ST7L: variants seen among roughly 807,000 people sequenced by gnomAD.
ST7L encodes the protein suppressor of tumorigenicity 7 protein-like.
Under a neutral mutation model 72.5 loss-of-function variants are expected in ST7L, and 57 were observed. That is an observed-to-expected ratio of 0.79 (90% confidence interval 0.64 to 0.98). The LOEUF (loss-of-function observed/expected upper bound fraction) is 0.98, where lower values mean the gene tolerates loss of function less well. Ranked by LOEUF, ST7L falls within the 50% of genes least tolerant of loss-of-function variation. The probability of loss-of-function intolerance (pLI) is 0.00; values close to 1 mark genes in which losing one functional copy is unlikely to be tolerated. For synonymous variants in ST7L, 221 were observed against 240.9 expected (o/e 0.92, Z 0.77); for missense variants, 576 against 672.2 (o/e 0.86, Z 1.58).
chr1:112,617,758 A>T (rs1570678403), intron 1 of ST7L, among the ~76,000 whole-genome samples: 1 of 142,762 alleles, frequency 7.0e-6, no homozygotes, highest in South Asian at 2.3e-4. Flanking sequence ...CACACACACG[A>T]AACGTAAAAA....
chr1:112,561,237 C>G (rs1184383404), intron 11 of ST7L, among the ~76,000 whole-genome samples: 2 of 150,174 alleles, frequency 1.3e-5, no homozygotes, highest in Admixed American at 6.6e-5. Context: ...CATAACAGAG[C>G]TAAGTAGTAG....
At chr1:112,586,248 C>T (rs114405370) in intron 6 of ST7L, among the ~76,000 whole-genome samples, 122 of 152,218 alleles carry the variant, frequency 8.0e-4, no homozygotes, top group African/African-American at 2.7e-3. Flanking sequence ...GGCAACACAA[C>T]GAGACCCTCT....
At position 112,550,671 on chromosome 1, in the gene ST7L, C is replaced by G. The variant is rs148639237; in HGVS notation, c.1419G>C (p.Pro473=). 100 of 1,612,900 alleles carry G rather than the reference C, an allele frequency of 6.2e-5. 1 individual carries two copies. In the African/African-American group the frequency reaches 1.1e-3, roughly 17 times the overall value. Residue 473 remains proline (P), a synonymous_variant, in exon 13 of 15, where the codon CCG becomes CCC. Transcript: ENST00000358039. ...GGTAAAATAGATGTCCTTTCTCTAA[C>G]GGGTATGGAATCATTCTAAAAGCTG... ...WEGTFRMIPY[P]LEKGHLFYPY...
chr1:112,519,465 C>T (rs1443370681), downstream of ST7L, among the ~76,000 whole-genome samples: 4 of 152,088 alleles, frequency 2.6e-5, no homozygotes, highest in Non-Finnish European at 5.9e-5. Context: ...AGTAGATGCT[C>T]TCATGGGCCC....
intron 13 of ST7L, among the ~76,000 whole-genome samples, chr1:112,544,213 C>G (rs1570930683): frequency 6.6e-6 from 1 of 152,280 alleles, no homozygotes; most frequent in South Asian, 2.1e-4. Flanking sequence ...GATGTAATAT[C>G]CTGCATTAGT....
chr1:112,588,370 A>G (rs1254418557), intron 6 of ST7L, among the ~76,000 whole-genome samples: 1 of 152,214 alleles, frequency 6.6e-6, no homozygotes, highest in Non-Finnish European at 1.5e-5. Context: ...CTTTTTTCTG[A>G]TGGTGGAGGG....
At chr1:112,540,649 C>T in intron 14 of ST7L, 1 of 1,182,644 alleles carries the variant, frequency 8.5e-7, no homozygotes, top group Non-Finnish European at 1.1e-6. Context: ...ACTGCTCTTA[C>T]CACTGGTGCC....
chr1:112,586,330 A>C (rs920966510), intron 6 of ST7L, among the ~76,000 whole-genome samples: 6 of 152,116 alleles, frequency 3.9e-5, no homozygotes, highest in Non-Finnish European at 8.8e-5. Context: ...AGTCCTAGTT[A>C]CTTTGGAGGC....
intron 9 of ST7L, among the ~76,000 whole-genome samples, chr1:112,579,503 GA>G (rs992463219): frequency 4.0e-5 from 6 of 150,186 alleles, no homozygotes; most frequent in African/African-American, 1.5e-4. Context: ...ACTAATATTA[GA>G]AAAAAATTAA....
At chr1:112,538,638 C>T (rs1259162065) in intron 14 of ST7L, among the ~76,000 whole-genome samples, 1 of 152,230 alleles carries the variant, frequency 6.6e-6, no homozygotes, top group Non-Finnish European at 1.5e-5. Flanking sequence ...AGAGCCATTG[C>T]ACCTGGCCTA....
intron 6 of ST7L, 134 bp from the exon 7 acceptor site, chr1:112,584,260 T>G: frequency 1.1e-6 from 1 of 923,778 alleles, no homozygotes. Flanking sequence ...AAACCTTCGT[T>G]CAATATTTTA....
intron 14 of ST7L, among the ~76,000 whole-genome samples, chr1:112,538,782 T>G (rs962587100): frequency 2.0e-5 from 3 of 152,220 alleles, no homozygotes; most frequent in Non-Finnish European, 4.4e-5. Context: ...TATTGCACTT[T>G]GGTGATGATG....
At chr1:112,555,526 C>T (rs1557971517) in intron 12 of ST7L, among the ~76,000 whole-genome samples, 1 of 152,016 alleles carries the variant, frequency 6.6e-6, no homozygotes, top group Non-Finnish European at 1.5e-5. Flanking sequence ...GATTGCGCCA[C>T]TGCACTCCAG....
chr1:112,518,500 A>G, the ST7L span: 4 of 152,208 alleles, frequency 2.6e-5, no homozygotes, highest in Admixed American at 1.3e-4. Flanking sequence ...AGTAGTCTGT[A>G]TACTTTGTAG....
In ST7L at chr1:112,550,630, G is replaced by C. The variant is rs530136560; in HGVS notation, c.1460C>G (p.Thr487Arg). ...TAATAGCTCTCTATCAGCCGTCTCT[G>C]TGCAGCTGGGATAAGGGTAAAATAG... ...GHLFYPYPSC[T>R]ETADRELLPT... The change falls in exon 13 of 15, where the codon ACA (threonine) becomes AGA (arginine). Residue 487 changes from threonine (T) to arginine (R), a missense_variant. By Grantham distance (71) the Thr-to-Arg change is moderately conservative. Coordinates refer to ENST00000358039, the MANE Select transcript of ST7L (RefSeq NM_017744.5). 114 of 1,613,248 alleles carry C rather than the reference G, an allele frequency of 7.1e-5. 1 individual carries two copies. The South Asian group carries it at 1.2e-3, about 17-fold the overall frequency.
intron 11 of ST7L, among the ~76,000 whole-genome samples, chr1:112,558,845 C>T (rs532070142): frequency 2.0e-5 from 3 of 152,294 alleles, no homozygotes; most frequent in Admixed American, 2.0e-4. Context: ...TCACTCGCAC[C>T]AGGCGGCTGT....
At chr1:112,560,379 G>C (rs1659921007) in intron 11 of ST7L, among the ~76,000 whole-genome samples, 1 of 151,978 alleles carries the variant, frequency 6.6e-6, no homozygotes, top group Admixed American at 6.6e-5. Flanking sequence ...GGATGACAGA[G>C]CGAGACTCTG....
At chr1:112,562,089 C>T (rs957839309) in intron 11 of ST7L, among the ~76,000 whole-genome samples, 13 of 151,826 alleles carry the variant, frequency 8.6e-5, no homozygotes, top group Non-Finnish European at 1.3e-4. Flanking sequence ...GCCTCAACCT[C>T]CTTAGTAGCT....
chr1:112,585,620 C>G (rs998459614), intron 6 of ST7L, among the ~76,000 whole-genome samples: 1 of 151,346 alleles, frequency 6.6e-6, no homozygotes, highest in Non-Finnish European at 1.5e-5. Context: ...GTAGTCCTAG[C>G]TACTTGAGAG....
Sources: allele counts gnomAD v4.1 joint callset (sites outside exome capture counted in the v4.1 genomes callset), GRCh38; gene constraint gnomAD v4.1.1; transcripts MANE v1.5; gene names NCBI Gene and HGNC (gene_info 2026-07-23, HGNC 2026-07-21).